The following TOM1L1 variants were observed in gnomAD, a reference collection of about 807,000 sequenced individuals.
TOM1L1 encodes the protein target of myb1 like 1 membrane trafficking protein.
In TOM1L1, 64 loss-of-function variants were observed where a neutral mutation model predicts 63.4. The ratio of observed to expected loss-of-function variants is 1.01; its 90% CI spans 0.83 to 1.24. The LOEUF is 1.24. TOM1L1 is among the 50% of genes most tolerant of loss of function. The probability of loss-of-function intolerance (pLI) is 0.00; values close to 1 mark genes in which losing one functional copy is unlikely to be tolerated. For missense variants in TOM1L1, 536 were observed against 567.0 expected, an observed-to-expected ratio of 0.95 and a Z score of 0.55; for synonymous variants, 166 against 194.4, an observed-to-expected ratio of 0.85 and a Z score of 1.22.
Position 54,946,285 on chromosome 17 carries a change from T to A in TOM1L1, c.1131-976T>A, listed in dbSNP as rs114311192. Among the ~76,000 whole-genome samples the A allele has an allele frequency of 9.4e-3, 1,426 of 152,254 alleles. 29 individuals are homozygous for A. Among genetic ancestry groups the A allele is most frequent in the African/African-American group, 0.032 (1,350 of 41,548 alleles). ...CATAAACAACTTCATGAGGTTGTTT[T>A]CCTGAGTCCTCCATCATCGTGATTT... is the stretch of plus-strand genomic sequence containing the variant. On this transcript the variant is annotated intron_variant, in intron 11 of 15. Transcript: ENST00000575882.
chr17:54,905,611 G>C, intron 3 of TOM1L1, 44 bp downstream of exon 3: 3 of 1,241,308 alleles, frequency 2.4e-6, no homozygotes, highest in Non-Finnish European at 3.5e-6. Context: ...GATTTCTCAA[G>C]CTATAGTTAC....
intron 7 of TOM1L1, among the ~76,000 whole-genome samples, chr17:54,928,688 C>G (rs1466967986): frequency 3.3e-5 from 5 of 152,162 alleles, no homozygotes; most frequent in African/African-American, 4.8e-5. Flanking sequence ...GCTTTAAGAA[C>G]AACACTGTTG....
intron 3 of TOM1L1, chr17:54,906,822 G>A (rs2048419111): frequency 1.0e-6 from 1 of 985,408 alleles, no homozygotes; most frequent in Non-Finnish European, 1.2e-6. Context: ...TGTGTTGCAA[G>A]CCCTGCCTGC....
chr17:54,923,356 T>G (rs2048714216), intron 7 of TOM1L1, among the ~76,000 whole-genome samples: 1 of 152,060 alleles, frequency 6.6e-6, no homozygotes, highest in South Asian at 2.1e-4. Flanking sequence ...CGGTATGCAG[T>G]ACTACTAGGA....
At position 54,913,785 on chromosome 17, in the gene TOM1L1, G is replaced by C. The variant is rs770623498; in HGVS notation, c.410G>C (p.Ser137Thr). 6.2e-7 allele frequency: 1 copy of C among 1,611,734 alleles called. No individual in the cohort carries two copies. ...GGCTTCCCAGGAGGTGTGGATGTAA[G>C]CGAAGTCAAAGAAGTATACCTCGAC... ...SQGFPGGVDV[S>T]EVKEVYLDLV... The change falls in exon 5 of 16, where the codon AGC (serine) becomes ACC (threonine). Residue 137 changes from serine to threonine, a missense_variant. Physicochemically the swap from Ser to Thr is moderately conservative, Grantham distance 58. Coordinates refer to ENST00000575882, the MANE Select transcript of TOM1L1 (RefSeq NM_005486.3).
At chr17:54,908,801 G>A (rs980848240) in intron 3 of TOM1L1, among the ~76,000 whole-genome samples, 2 of 152,230 alleles carry the variant, frequency 1.3e-5, no homozygotes, top group Non-Finnish European at 2.9e-5. Flanking sequence ...TTGTCAAATG[G>A]AAAGTGGTCG....
At chr17:54,913,727 T>A in intron 4 of TOM1L1, 21 bp from the exon 5 acceptor site, 1 of 1,590,478 alleles carries the variant, frequency 6.3e-7, no homozygotes, top group Non-Finnish European at 8.5e-7. Flanking sequence ...CTCTGGAACT[T>A]TTTTCATCTC....
intron 14 of TOM1L1, among the ~76,000 whole-genome samples, chr17:54,958,640 G>C (rs1234974432): frequency 6.8e-6 from 1 of 147,814 alleles, no homozygotes; most frequent in Non-Finnish European, 1.5e-5. Flanking sequence ...ATGAATAGGA[G>C]AATCGTTTGA....
intron 3 of TOM1L1, among the ~76,000 whole-genome samples, chr17:54,906,187 G>C (rs372258363): frequency 2.0e-4 from 31 of 152,110 alleles, no homozygotes; most frequent in African/African-American, 7.5e-4. Context: ...AAAAGTTTGT[G>C]GCTGGGTACG....
At chr17:54,918,918 G>GT (rs770725835) in intron 7 of TOM1L1, among the ~76,000 whole-genome samples, 20 of 152,158 alleles carry the variant, frequency 1.3e-4, no homozygotes, top group Non-Finnish European at 2.8e-4. Flanking sequence ...GAACATCAGG[G>GT]TAGTATACCT....
chr17:54,911,150 A>G (rs575227761), intron 3 of TOM1L1, among the ~76,000 whole-genome samples: 2 of 152,334 alleles, frequency 1.3e-5, no homozygotes, highest in East Asian at 3.9e-4. Flanking sequence ...GTGTTTTTCA[A>G]GGGAACTGAT....
In TOM1L1 at chr17:54,947,422, C is replaced by T. The variant is rs575282835; in HGVS notation, c.1182+110C>T. 3.6e-5 allele frequency: 45 copies of T among 1,234,354 alleles called. 1 individual carries two copies. The highest frequency in any genetic ancestry group is 3.0e-4 in the Admixed American group (16 of 52,728). The allele number at this position is 1,234,354 out of a possible 1,614,324, so 76.5% of individuals were successfully genotyped here. On this transcript the variant is annotated intron_variant, in intron 12 of 15. Transcript: ENST00000575882. The stretch of plus-strand genomic sequence containing the variant: ...TGTTCTGCTCAGTATTGTGTTGATG[C>T]GCAGCCCCTGTTAGCAAGATGGTAA...
At chr17:54,954,180 T>C (rs2049375078) in intron 14 of TOM1L1, 1 of 152,176 alleles carries the variant, frequency 6.6e-6, no homozygotes, top group Non-Finnish European at 1.5e-5. Context: ...GTTTTGGCCA[T>C]GGTGGCAGAT....
At position 54,906,182 on chromosome 17, in the gene TOM1L1, T is replaced by C. The variant is rs554208389; in HGVS notation, c.222+615T>C. Reference sequence around the variant, plus strand: ...GAAACCTCAACTCTTAAAAAAAAAGTTTGTGGCTGGGTACGGTGGCTCACA... The same window carrying C: ...GAAACCTCAACTCTTAAAAAAAAAGCTTGTGGCTGGGTACGGTGGCTCACA... On this transcript the variant is annotated intron_variant, in intron 3 of 15. Coordinates refer to ENST00000575882, the MANE Select transcript of TOM1L1 (RefSeq NM_005486.3). Among the ~76,000 whole-genome samples the C allele has an allele frequency of 1.9e-3, 283 of 150,526 alleles. 2 individuals are homozygous for C. The highest frequency in any genetic ancestry group is 3.5e-3 in the Non-Finnish European group (234 of 67,658).
chr17:54,906,496 T>C (rs572207776), intron 3 of TOM1L1, among the ~76,000 whole-genome samples: 28 of 151,604 alleles, frequency 1.8e-4, no homozygotes, highest in African/African-American at 6.8e-4. Flanking sequence ...AAAAAAAAGT[T>C]TGTGCATGTA....
At chr17:54,932,085 A>T (rs927313887) in intron 8 of TOM1L1, among the ~76,000 whole-genome samples, 1 of 151,712 alleles carries the variant, frequency 6.6e-6, no homozygotes, top group African/African-American at 2.4e-5. Flanking sequence ...CTGTAGCAGG[A>T]CGAGCCGCAG....
chr17:54,908,561 A>G (rs1461596972), intron 3 of TOM1L1, among the ~76,000 whole-genome samples: 4 of 152,224 alleles, frequency 2.6e-5, no homozygotes, highest in Non-Finnish European at 5.9e-5. Context: ...AAATTCGATT[A>G]TAAATATTCT....
chr17:54,958,388 A>C (rs1441973589), intron 14 of TOM1L1: 1 of 152,224 alleles, frequency 6.6e-6, no homozygotes, highest in Non-Finnish European at 1.5e-5. Context: ...TTAAGTAGAG[A>C]CAGTAAGTAC....
chr17:54,915,407 T>C (rs1222974479), intron 6 of TOM1L1, among the ~76,000 whole-genome samples: 3 of 152,136 alleles, frequency 2.0e-5, no homozygotes, highest in Non-Finnish European at 4.4e-5. Flanking sequence ...GGATAACTTT[T>C]GCCATTTTAT....
Sources: allele counts gnomAD v4.1 joint callset (sites outside exome capture counted in the v4.1 genomes callset), GRCh38; gene constraint gnomAD v4.1.1; transcripts MANE v1.5; gene names NCBI Gene and HGNC (gene_info 2026-07-23, HGNC 2026-07-21).